The following DSCAML1 variants were observed in gnomAD, a reference collection of about 807,000 sequenced individuals.
The protein encoded by DSCAML1 is DS cell adhesion molecule like 1, also known as cell adhesion molecule DSCAML1.
Under a neutral mutation model 200.5 loss-of-function variants are expected in DSCAML1, and 38 were observed. The ratio of observed to expected loss-of-function variants is 0.19; its 90% CI spans 0.15 to 0.25. The LOEUF is 0.25. Ranked by LOEUF, DSCAML1 falls within the 10% of genes least tolerant of loss-of-function variation. The pLI is 1.00. For missense variants in DSCAML1, 2,223 were observed against 2,858.8 expected, an observed-to-expected ratio of 0.78 and a Z score of 5.07; for synonymous variants, 1,215 against 1,165.0, an observed-to-expected ratio of 1.04 and a Z score of -0.87.
intron 11 of DSCAML1, among the ~76,000 whole-genome samples, chr11:117,502,179 A>G (rs1205617510): frequency 6.6e-6 from 1 of 152,194 alleles, no homozygotes; most frequent in Non-Finnish European, 1.5e-5. Context: ...GGCATCAGTG[A>G]CAGCCTGAGG....
chr11:117,484,621 C>T (rs756528427), intron 11 of DSCAML1, among the ~76,000 whole-genome samples: 3 of 152,168 alleles, frequency 2.0e-5, no homozygotes, highest in Admixed American at 6.5e-5. Context: ...CAAGGATGTG[C>T]GGAGGAATAT....
intron 18 of DSCAML1, among the ~76,000 whole-genome samples, chr11:117,459,680 C>T (rs2048442205): frequency 6.6e-6 from 1 of 152,198 alleles, no homozygotes; most frequent in Non-Finnish European, 1.5e-5. Context: ...CCATGGGGGC[C>T]AGAGTTGTAA....
At chr11:117,693,258 G>A (rs1222450208) in intron 3 of DSCAML1, among the ~76,000 whole-genome samples, 1 of 152,112 alleles carries the variant, frequency 6.6e-6, no homozygotes, top group Non-Finnish European at 1.5e-5. Context: ...TTACAGAATC[G>A]ATTTTTTGGA....
At chr11:117,488,534 G>GACAC (rs575410556) in intron 11 of DSCAML1, among the ~76,000 whole-genome samples, 3 of 145,748 alleles carry the variant, frequency 2.1e-5, no homozygotes, top group East Asian at 2.0e-4. Context: ...GACATGCACA[G>GACAC]ACACAGACAC....
chr11:117,670,592 G>T (rs1371823804), intron 3 of DSCAML1, among the ~76,000 whole-genome samples: 1 of 152,176 alleles, frequency 6.6e-6, no homozygotes, highest in Non-Finnish European at 1.5e-5. Flanking sequence ...CTGCGTGAAG[G>T]CTGACGGGAG....
chr11:117,586,743 C>T (rs753344489), intron 3 of DSCAML1, among the ~76,000 whole-genome samples: 10 of 152,180 alleles, frequency 6.6e-5, no homozygotes, highest in Non-Finnish European at 1.0e-4. Flanking sequence ...AGCCCTTCCA[C>T]GAACTGGGCA....
At chr11:117,439,682 G>T in intron 22 of DSCAML1, 137 bp downstream of exon 22, 1 of 883,100 alleles carries the variant, frequency 1.1e-6, no homozygotes, top group Non-Finnish European at 1.8e-6. Flanking sequence ...AGCAGTAGCA[G>T]CACACCCTGC....
chr11:117,676,787 C>A (rs1033362812), intron 3 of DSCAML1, among the ~76,000 whole-genome samples: 1 of 152,196 alleles, frequency 6.6e-6, no homozygotes, highest in Non-Finnish European at 1.5e-5. Context: ...CTGGGAGCTG[C>A]GGGCTCCCAG....
intron 11 of DSCAML1, 62 bp from the exon 12 acceptor site, chr11:117,482,224 C>T (rs538119578): frequency 5.6e-5 from 89 of 1,583,580 alleles, no homozygotes; most frequent in Middle Eastern, 1.8e-4. Context: ...AGGAGGCACG[C>T]GTGCCCTGCG....
chr11:117,778,711 T>C (rs575181450), intron 2 of DSCAML1, among the ~76,000 whole-genome samples: 7 of 152,344 alleles, frequency 4.6e-5, no homozygotes, highest in African/African-American at 1.7e-4. Context: ...GAAAACTGCA[T>C]CCTAACCCAA....
At chr11:117,679,530 C>T (rs1244344824) in intron 3 of DSCAML1, among the ~76,000 whole-genome samples, 1 of 152,186 alleles carries the variant, frequency 6.6e-6, no homozygotes, top group Non-Finnish European at 1.5e-5. Context: ...TTGGCCATAC[C>T]CGGTACCCCA....
At chr11:117,615,031 A>G (rs904185803) in intron 3 of DSCAML1, among the ~76,000 whole-genome samples, 1 of 152,196 alleles carries the variant, frequency 6.6e-6, no homozygotes, top group Admixed American at 6.5e-5. Context: ...AAGCCGGTAA[A>G]GAATCTAACA....
intron 27 of DSCAML1, among the ~76,000 whole-genome samples, chr11:117,434,158 G>A (rs537261568): frequency 6.6e-6 from 1 of 152,206 alleles, no homozygotes; most frequent in South Asian, 2.1e-4. Flanking sequence ...CCAATTGTCT[G>A]GCTATCCATT....
intron 1 of DSCAML1, among the ~76,000 whole-genome samples, chr11:117,814,442 AC>A (rs2055786193): frequency 6.6e-6 from 1 of 152,072 alleles, no homozygotes; most frequent in Non-Finnish European, 1.5e-5. Context: ...ACCTCTGACC[AC>A]CCCAGCTGCC....
At chr11:117,678,755 G>A (rs542574558) in intron 3 of DSCAML1, among the ~76,000 whole-genome samples, 3 of 152,386 alleles carry the variant, frequency 2.0e-5, no homozygotes, top group African/African-American at 7.2e-5. Flanking sequence ...TGCGCCAGAA[G>A]GCGGATGGGG....
intron 3 of DSCAML1, among the ~76,000 whole-genome samples, chr11:117,699,291 C>T (rs139493980): frequency 7.9e-5 from 12 of 152,190 alleles, no homozygotes; most frequent in Non-Finnish European, 1.5e-4. Flanking sequence ...TGGCTGCCCC[C>T]GGGAGGAATT....
intron 3 of DSCAML1, among the ~76,000 whole-genome samples, chr11:117,678,705 CA>C (rs1258285371): frequency 6.6e-6 from 1 of 151,864 alleles, no homozygotes; most frequent in Non-Finnish European, 1.5e-5. Flanking sequence ...GTTCCAAGGC[CA>C]GGGGCCAGCA....
chr11:117,532,422 A>G lies in DSCAML1; in HGVS notation c.612T>C (p.Tyr204=), dbSNP rs572581424. 1.4e-5 allele frequency: 22 copies of G among 1,614,080 alleles called. No individual in the cohort carries two copies. In the African/African-American group the frequency reaches 1.6e-4, roughly 12 times the overall value. The change falls in exon 4 of 33, where the codon TAT becomes TAC. Residue 204 remains tyrosine, a synonymous_variant. Transcript: ENST00000651296. ...STYRCITKHK[Y]SGETRQSNGA... is the part of the protein sequence containing the mutation. ...CATTGCTCTGCCGGGTCTCCCCGCT[A>G]TACTTGTGCTTGGTGATGCAGCGAT... is the stretch of plus-strand genomic sequence containing the variant.
intron 3 of DSCAML1, among the ~76,000 whole-genome samples, chr11:117,546,790 ATCTTTCTCTACCC>A (rs1242855097): frequency 1.9e-4 from 29 of 152,058 alleles, no homozygotes; most frequent in Non-Finnish European, 2.1e-4. Flanking sequence ...ATACAGCTCT[ATCTTTCTCTACCC>A]CAGGATTAGC....
Sources: allele counts gnomAD v4.1 joint callset (sites outside exome capture counted in the v4.1 genomes callset), GRCh38; gene constraint gnomAD v4.1.1; transcripts MANE v1.5; gene names NCBI Gene and HGNC (gene_info 2026-07-23, HGNC 2026-07-21).